The following CNTN5 variants were observed in gnomAD, a reference collection of about 807,000 sequenced individuals.
The protein encoded by CNTN5 is contactin 5, also known as contactin-5.
CNTN5 carries 77 observed loss-of-function variants against 129.1 expected under a neutral mutation model. The observed-to-expected ratio is 0.60, with a 90% CI of 0.50 to 0.72. The LOEUF is 0.72. Ranked by LOEUF, CNTN5 falls within the 30% of genes least tolerant of loss-of-function variation. The probability of loss-of-function intolerance (pLI) is 0.00; values close to 1 mark genes in which losing one functional copy is unlikely to be tolerated. For synonymous variants in CNTN5, 509 were observed against 465.6 expected, an observed-to-expected ratio of 1.09 and a Z score of -1.20; for missense variants, 1,478 against 1,328.8, an observed-to-expected ratio of 1.11 and a Z score of -1.75.
chr11:99,192,771 C>T (rs1006557298), intron 1 of CNTN5, among the ~76,000 whole-genome samples: 1 of 152,104 alleles, frequency 6.6e-6, no homozygotes, highest in Middle Eastern at 3.4e-3. Flanking sequence ...TGTATGAACA[C>T]TGAAAACAGA....
chr11:99,467,621 C>T (rs76415216), intron 2 of CNTN5, among the ~76,000 whole-genome samples: 1,847 of 152,194 alleles, frequency 0.012, 37 homozygotes, highest in African/African-American at 0.042. Context: ...CTTTGTTACA[C>T]ATCCTTTTAC....
chr11:99,829,782 A>C (rs995058538), intron 4 of CNTN5, among the ~76,000 whole-genome samples: 1 of 152,190 alleles, frequency 6.6e-6, no homozygotes, highest in Admixed American at 6.5e-5. Flanking sequence ...AAAATTGACC[A>C]AGGTTTAAAG....
At chr11:99,419,578 A>T (rs1391630492) in intron 2 of CNTN5, among the ~76,000 whole-genome samples, 1 of 152,186 alleles carries the variant, frequency 6.6e-6, no homozygotes, top group Non-Finnish European at 1.5e-5. Context: ...CAATGAAATT[A>T]GTGACAATAC....
intron 2 of CNTN5, among the ~76,000 whole-genome samples, chr11:99,507,419 C>A (rs1415237751): frequency 6.7e-6 from 1 of 148,552 alleles, no homozygotes; most frequent in Non-Finnish European, 1.5e-5. Flanking sequence ...AAACAATAGT[C>A]ATCCCATTAA....
At chr11:100,318,321 AG>A (rs890636293) in intron 21 of CNTN5, among the ~76,000 whole-genome samples, 2 of 151,744 alleles carry the variant, frequency 1.3e-5, no homozygotes, top group African/African-American at 4.8e-5. Context: ...ACCTCTAAAC[AG>A]GGGTTTCTCA....
intron 6 of CNTN5, among the ~76,000 whole-genome samples, chr11:99,903,065 A>T (rs547334825): frequency 6.6e-6 from 1 of 152,140 alleles, no homozygotes; most frequent in African/African-American, 2.4e-5. Flanking sequence ...GAAAAAATGC[A>T]AATCTATGTT....
intron 21 of CNTN5, among the ~76,000 whole-genome samples, chr11:100,317,382 G>A (rs1357919470): frequency 6.6e-6 from 1 of 152,086 alleles, no homozygotes; most frequent in African/African-American, 2.4e-5. Flanking sequence ...GCTAACAAAG[G>A]TTGTTTTATT....
chr11:100,217,408 C>A (rs1488238794), intron 15 of CNTN5, among the ~76,000 whole-genome samples: 2 of 152,150 alleles, frequency 1.3e-5, no homozygotes, highest in Non-Finnish European at 2.9e-5. Context: ...AAATGACAGT[C>A]TACCAAGTTC....
chr11:99,559,933 GA>G (rs534523240), intron 3 of CNTN5, among the ~76,000 whole-genome samples: 84 of 152,070 alleles, frequency 5.5e-4, no homozygotes, highest in African/African-American at 1.9e-3. Context: ...ATGGCTAATT[GA>G]AAAAAAGATG....
intron 18 of CNTN5, among the ~76,000 whole-genome samples, chr11:100,277,278 T>C (rs192322233): frequency 9.8e-5 from 15 of 152,310 alleles, no homozygotes; most frequent in Non-Finnish European, 1.6e-4. Context: ...ATTACTGCAA[T>C]AAATGTGGGA....
chr11:100,011,676 C>G (rs752862297), intron 9 of CNTN5, among the ~76,000 whole-genome samples: 1 of 152,092 alleles, frequency 6.6e-6, no homozygotes, highest in Non-Finnish European at 1.5e-5. Context: ...TACAAATAGT[C>G]TTTTGTTACA....
intron 3 of CNTN5, among the ~76,000 whole-genome samples, chr11:99,816,048 C>A (rs545135417): frequency 6.6e-6 from 1 of 152,122 alleles, no homozygotes; most frequent in Non-Finnish European, 1.5e-5. Flanking sequence ...AACAGACTAA[C>A]CTCTCTAACC....
At chr11:100,148,827 ATATT>A (rs553991223) in intron 13 of CNTN5, among the ~76,000 whole-genome samples, 49 of 150,760 alleles carry the variant, frequency 3.3e-4, no homozygotes, top group African/African-American at 1.1e-3. Context: ...TGCGGTGTAA[ATATT>A]TATTTGATTG....
rs763109822 is a variant in CNTN5, at chr11:99,637,043, T to TAAAAAAAAAAAAAAAAA, written c.55+80777_55+80778insAAAAAAAAAAAAAAAAA. 7.5e-3 allele frequency among the ~76,000 whole-genome samples: 719 copies of TAAAAAAAAAAAAAAAAA among 95,664 alleles called. 1 individual carries two copies. The highest frequency in any genetic ancestry group is 9.2e-3 in the Non-Finnish European group (446 of 48,638). The allele number at this position is 95,664 out of a possible 152,430, so 62.8% of individuals were successfully genotyped here. A position where few individuals can be genotyped will look rare whatever the true frequency, so the allele number is the denominator to read the frequency against. On this transcript the variant is annotated intron_variant, in intron 3 of 24. Coordinates refer to ENST00000524871, the MANE Select transcript of CNTN5 (RefSeq NM_014361.4). ...AAAAAAAAAAAAAAAAAAAAAAAAGTAAATGACTCTGTATTGCAGAATAGG... is the reference window on the plus strand; with the variant it reads ...AAAAAAAAAAAAAAAAAAAAAAAAGTAAAAAAAAAAAAAAAAAAAATGACTCTGTATTGCAGAATAGG...
At chr11:99,192,589 A>C (rs1858699969) in intron 1 of CNTN5, among the ~76,000 whole-genome samples, 1 of 151,976 alleles carries the variant, frequency 6.6e-6, no homozygotes, top group South Asian at 2.1e-4. Context: ...CCTTTTGAAA[A>C]TTTCAAAAAA....
intron 4 of CNTN5, among the ~76,000 whole-genome samples, chr11:99,826,341 A>G (rs1946956966): frequency 6.6e-6 from 1 of 152,168 alleles, no homozygotes; most frequent in Non-Finnish European, 1.5e-5. Flanking sequence ...TAGCTTAACT[A>G]AGTTCACAGT....
chr11:99,832,955 T>C (rs555564413), intron 4 of CNTN5, among the ~76,000 whole-genome samples: 1 of 152,162 alleles, frequency 6.6e-6, no homozygotes, highest in Non-Finnish European at 1.5e-5. Context: ...CAGAAGTTGA[T>C]GTAGATGTAA....
At chr11:100,005,011 C>T (rs1232756166) in intron 9 of CNTN5, among the ~76,000 whole-genome samples, 1 of 152,114 alleles carries the variant, frequency 6.6e-6, no homozygotes, top group African/African-American at 2.4e-5. Flanking sequence ...CTGCAGGGAA[C>T]AAGAAGGTGA....
chr11:100,280,165 A>C (rs1950604660), intron 18 of CNTN5, among the ~76,000 whole-genome samples: 2 of 151,828 alleles, frequency 1.3e-5, no homozygotes, highest in African/African-American at 2.4e-5. Context: ...CAGTCATTGG[A>C]TAAAATGTTT....
Sources: gnomAD v4.1 joint callset for allele counts (sites outside exome capture counted in the v4.1 genomes callset) on GRCh38, gnomAD v4.1.1 for gene constraint, MANE v1.5 for transcripts, NCBI Gene and HGNC (gene_info 2026-07-23, HGNC 2026-07-21) for gene names.